Variants in ZRANB3 observed in about 807,000 individuals in gnomAD.
ZRANB3 encodes the protein zinc finger RANBP2-type containing 3.
ZRANB3 carries 125 observed loss-of-function variants against 133.8 expected under a neutral mutation model. The ratio of observed to expected loss-of-function variants is 0.93; its 90% CI spans 0.81 to 1.08. The LOEUF (loss-of-function observed/expected upper bound fraction) is 1.08. Ranked by LOEUF, ZRANB3 falls within the 50% of genes least tolerant of loss-of-function variation. ZRANB3 has a pLI of 0.00. For synonymous variants in ZRANB3, 387 were observed against 432.7 expected (o/e 0.89, Z 1.31); for missense variants, 1,229 against 1,275.5 (o/e 0.96, Z 0.56).
At chr2:135,429,466 A>C (rs146998075) in intron 2 of ZRANB3, among the ~76,000 whole-genome samples, 119 of 152,264 alleles carry the variant, frequency 7.8e-4, no homozygotes, top group African/African-American at 2.7e-3. Flanking sequence ...CCATACCCCC[A>C]TGGCACACAA....
Position 135,528,141 on chromosome 2 carries a change from CTTT to C in ZRANB3, c.-8+2983_-8+2985del, listed in dbSNP as rs527625438. Among the ~76,000 whole-genome samples the C allele has an allele frequency of 2.1e-5, 3 of 142,124 alleles. No homozygotes were observed. In the East Asian group the frequency reaches 6.1e-4, roughly 29 times the overall value. The allele number at this position is 142,124 out of a possible 152,430, so 93.2% of individuals were successfully genotyped here. A position where few individuals can be genotyped will look rare whatever the true frequency, so the allele number is the denominator to read the frequency against. ...AATAGGGGCCTCAGACCTTAAAGCT[CTTT>C]TTTTTTTTTTTGTGGTTTGTTTGAG... On this transcript the variant is annotated intron_variant, in intron 1 of 20. Transcript: ENST00000264159.
intron 7 of ZRANB3, among the ~76,000 whole-genome samples, chr2:135,315,092 C>G (rs891119186): frequency 6.6e-6 from 1 of 152,062 alleles, no homozygotes; most frequent in Non-Finnish European, 1.5e-5. Flanking sequence ...AATACTACAT[C>G]TCTGTTGCAA....
chr2:135,339,705 G>A (rs184512750), intron 6 of ZRANB3, among the ~76,000 whole-genome samples: 1 of 152,060 alleles, frequency 6.6e-6, no homozygotes, highest in African/African-American at 2.4e-5. Flanking sequence ...AACTGTAATA[G>A]GTAAAACTTT....
chr2:135,211,898 T>C (rs1694106896), intron 17 of ZRANB3, among the ~76,000 whole-genome samples: 1 of 152,206 alleles, frequency 6.6e-6, no homozygotes, highest in Admixed American at 6.5e-5. Context: ...TAGAATTCCT[T>C]GGTCAAAGGT....
chr2:135,325,721 G>A (rs1683781520), intron 6 of ZRANB3, among the ~76,000 whole-genome samples: 1 of 152,152 alleles, frequency 6.6e-6, no homozygotes, highest in African/African-American at 2.4e-5. Flanking sequence ...ATTAAATGAA[G>A]AAAGTGTGTT....
chr2:135,207,510 C>T lies in ZRANB3; in HGVS notation c.2933G>A (p.Arg978His), dbSNP rs777948854. 1.2e-5 allele frequency: 20 copies of T among 1,613,878 alleles called. No individual in the cohort carries two copies. Among genetic ancestry groups the T allele is most frequent in the South Asian group, 4.4e-5 (4 of 91,084 alleles). Residue 978 changes from arginine to histidine, a missense_variant, in exon 19 of 21, where the codon CGT becomes CAT. By Grantham distance (29) the Arg-to-His change is conservative. Transcript: ENST00000264159. ...CNVNAQELFL[R>H]LRDAPKSQRK... Reference sequence around the variant, plus strand: ...CTGACTTTTAGGGGCATCTCTCAGACGTAAAAAGAGTTCTTGTGCGTTCAC... The same window carrying T: ...CTGACTTTTAGGGGCATCTCTCAGATGTAAAAAGAGTTCTTGTGCGTTCAC...
At chr2:135,213,206 A>C (rs1694173699) in intron 17 of ZRANB3, among the ~76,000 whole-genome samples, 1 of 152,152 alleles carries the variant, frequency 6.6e-6, no homozygotes, top group Non-Finnish European at 1.5e-5. Flanking sequence ...GTCAATCTGA[A>C]AGCTGTGCAA....
chr2:135,302,673 G>A (rs1436482690), intron 8 of ZRANB3, among the ~76,000 whole-genome samples: 3 of 151,712 alleles, frequency 2.0e-5, no homozygotes, highest in Non-Finnish European at 4.4e-5. Context: ...CTACAGGCAC[G>A]CACCACCACG....
At position 135,353,371 on chromosome 2, in the gene ZRANB3, T is replaced by C. The variant is rs1045399813; in HGVS notation, c.359+79A>G. On this transcript the variant is annotated intron_variant, in intron 4 of 20. Coordinates refer to ENST00000264159, the MANE Select transcript of ZRANB3 (RefSeq NM_032143.4). ...TCTAAATTATTATCTATTGGTGATA[T>C]TGCATTCTAAAACATGAATATATAC... 20 of 959,126 alleles carry C rather than the reference T, an allele frequency of 2.1e-5. No homozygotes were observed. In the African/African-American group the frequency reaches 2.3e-4, roughly 11 times the overall value. The allele number at this position is 959,126 out of a possible 1,614,324, so 59.4% of individuals were successfully genotyped here. A position where few individuals can be genotyped will look rare whatever the true frequency, so the allele number is the denominator to read the frequency against.
At chr2:135,370,033 C>CTTTTTTT (rs548070677) in intron 3 of ZRANB3, among the ~76,000 whole-genome samples, 1 of 119,366 alleles carries the variant, frequency 8.4e-6, no homozygotes. Context: ...GGGCATGTTT[C>CTTTTTTT]TTTTTTTTTT....
At chr2:135,239,814 G>A (rs190595940) in intron 12 of ZRANB3, among the ~76,000 whole-genome samples, 2 of 151,780 alleles carry the variant, frequency 1.3e-5, no homozygotes, top group East Asian at 1.9e-4. Flanking sequence ...TGATGAAACC[G>A]TGTCTCTACT....
At chr2:135,221,512 A>G (rs1242747765) in intron 15 of ZRANB3, among the ~76,000 whole-genome samples, 1 of 152,166 alleles carries the variant, frequency 6.6e-6, no homozygotes, top group Non-Finnish European at 1.5e-5. Flanking sequence ...TTGATCAGGT[A>G]ATCCAAGAGG....
intron 7 of ZRANB3, among the ~76,000 whole-genome samples, chr2:135,315,054 C>T (rs970095282): frequency 6.6e-6 from 1 of 152,120 alleles, no homozygotes; most frequent in East Asian, 1.9e-4. Context: ...GTATGAGCCA[C>T]CGTGCCTGGC....
intron 8 of ZRANB3, among the ~76,000 whole-genome samples, chr2:135,294,464 A>C (rs374071310): frequency 1.3e-5 from 2 of 151,370 alleles, no homozygotes; most frequent in Non-Finnish European, 3.0e-5. Context: ...TTTTTTATTG[A>C]GTCTATTTGA....
At chr2:135,526,326 G>A (rs532022010) in intron 1 of ZRANB3, among the ~76,000 whole-genome samples, 10 of 152,136 alleles carry the variant, frequency 6.6e-5, no homozygotes, top group African/African-American at 2.4e-4. Context: ...ACCACACTCA[G>A]CTAATTTTTG....
At position 135,203,612 on chromosome 2, in the gene ZRANB3, C is replaced by CAA. The variant is rs1051712787; in HGVS notation, c.3010-651_3010-650dup. Among the ~76,000 whole-genome samples the CAA allele has an allele frequency of 4.9e-3, 303 of 61,484 alleles. 6 individuals carry two copies. Among genetic ancestry groups the CAA allele is most frequent in the African/African-American group, 0.012 (224 of 19,032 alleles). 40.3% of individuals were successfully genotyped at this position (61,484 alleles called of 152,430 possible). On this transcript the variant is annotated intron_variant, in intron 19 of 20. Coordinates refer to ENST00000264159, the MANE Select transcript of ZRANB3 (RefSeq NM_032143.4). ...CCAGCCTGGGTGACAGACTCGGTCTCAAAAAAAAAAAAAAAAAAAAAGAAA... is the reference window on the plus strand; with the variant it reads ...CCAGCCTGGGTGACAGACTCGGTCTCAAAAAAAAAAAAAAAAAAAAAAAGAAA...
At chr2:135,513,274 C>A (rs1693549916) in intron 1 of ZRANB3, among the ~76,000 whole-genome samples, 1 of 152,184 alleles carries the variant, frequency 6.6e-6, no homozygotes, top group African/African-American at 2.4e-5. Context: ...TGAAAATGAA[C>A]AAAGCTAGAG....
intron 2 of ZRANB3, among the ~76,000 whole-genome samples, chr2:135,458,292 T>C (rs543582334): frequency 2.6e-5 from 4 of 152,060 alleles, no homozygotes; most frequent in South Asian, 2.1e-4. Flanking sequence ...ACTATAGCTA[T>C]GTAGTAGTTT....
intron 6 of ZRANB3, among the ~76,000 whole-genome samples, chr2:135,330,214 T>C (rs2104845998): frequency 6.6e-6 from 1 of 152,292 alleles, no homozygotes; most frequent in South Asian, 2.1e-4. Context: ...CTCTTATTAT[T>C]TTGAGATGCA....
Sources: allele counts gnomAD v4.1 joint callset (sites outside exome capture counted in the v4.1 genomes callset), GRCh38; gene constraint gnomAD v4.1.1; transcripts MANE v1.5; gene names NCBI Gene and HGNC (gene_info 2026-07-23, HGNC 2026-07-21).